RORA: variants seen among roughly 807,000 people sequenced by gnomAD.
The protein encoded by RORA is RAR related orphan receptor A.
Under a neutral mutation model 69.5 loss-of-function variants are expected in RORA, and 7 were observed. The observed-to-expected ratio is 0.10, with a 90% confidence interval of 0.06 to 0.19. The LOEUF (loss-of-function observed/expected upper bound fraction) is 0.19. Among genes scored for constraint, RORA ranks in the 10% least tolerant of loss-of-function variants. RORA has a pLI of 1.00. For missense variants in RORA, 457 were observed against 663.0 expected (o/e 0.69, Z 3.41); for synonymous variants, 261 against 240.8 (o/e 1.08, Z -0.78).
At chr15:61,029,523 G>A (rs575425222) in intron 1 of RORA, among the ~76,000 whole-genome samples, 62 of 152,272 alleles carry the variant, frequency 4.1e-4, no homozygotes, top group African/African-American at 1.5e-3. Flanking sequence ...AAAGTAAGGA[G>A]TACAGACGGG....
intron 1 of RORA, among the ~76,000 whole-genome samples, chr15:60,796,799 G>C (rs1276649266): frequency 1.3e-5 from 2 of 151,842 alleles, no homozygotes; most frequent in African/African-American, 4.8e-5. Context: ...CTCATCAACT[G>C]ATGAGTCGAT....
intron 1 of RORA, among the ~76,000 whole-genome samples, chr15:60,878,299 G>A (rs1250017247): frequency 7.1e-6 from 1 of 140,622 alleles, no homozygotes; most frequent in South Asian, 2.3e-4. Context: ...GGCCGAGATC[G>A]CGGCATTGCA....
intron 1 of RORA, among the ~76,000 whole-genome samples, chr15:60,846,398 C>G (rs557155055): frequency 2.6e-5 from 4 of 152,184 alleles, no homozygotes; most frequent in African/African-American, 4.8e-5. Context: ...TCTATCGTAA[C>G]TGCTTCTCCT....
At chr15:60,980,995 CAT>C (rs1894028404) in intron 1 of RORA, among the ~76,000 whole-genome samples, 1 of 151,784 alleles carries the variant, frequency 6.6e-6, no homozygotes, top group East Asian at 1.9e-4. Context: ...GGTCAGGTGT[CAT>C]AGTGACAAAC....
chr15:60,504,622 AT>A (rs1225983423), intron 6 of RORA, among the ~76,000 whole-genome samples: 1 of 152,098 alleles, frequency 6.6e-6, no homozygotes, highest in Non-Finnish European at 1.5e-5. Context: ...CTAAAATCCT[AT>A]TTCATATACT....
At chr15:60,985,582 C>CTTTTTTTTTTTT (rs11451387) in intron 1 of RORA, among the ~76,000 whole-genome samples, 19 of 100,848 alleles carry the variant, frequency 1.9e-4, no homozygotes, top group Non-Finnish European at 2.2e-4. Flanking sequence ...AACTCATCCT[C>CTTTTTTTTTTTT]TTTTTTTTTT....
At chr15:61,119,473 C>T (rs575919385) in intron 1 of RORA, among the ~76,000 whole-genome samples, 3 of 149,512 alleles carry the variant, frequency 2.0e-5, no homozygotes, top group Non-Finnish European at 4.4e-5. Context: ...TATATATATA[C>T]ATTTTATTTT....
intron 1 of RORA, among the ~76,000 whole-genome samples, chr15:60,785,978 T>G (rs199740052): frequency 0.017 from 1 of 60 alleles, no homozygotes. Flanking sequence ...GTACTCAGTA[T>G]AACTATTTGT....
At chr15:61,026,439 T>C (rs1204795135) in intron 1 of RORA, among the ~76,000 whole-genome samples, 1 of 152,344 alleles carries the variant, frequency 6.6e-6, no homozygotes, top group South Asian at 2.1e-4. Flanking sequence ...AAAGGAATCA[T>C]GAAAATGTGT....
chr15:60,964,443 G>T lies in RORA; in HGVS notation c.166+264610C>A, dbSNP rs554496157. Among the ~76,000 whole-genome samples, 11 of 152,276 alleles carry T rather than the reference G, an allele frequency of 7.2e-5. 1 individual carries two copies. The South Asian group carries it at 8.3e-4, about 11-fold the overall frequency. Reference sequence around the variant, plus strand: ...GGGAAAGCCCTCCTCTGAAAAGAATGAGTCTTGAGAGGAATAGTGTGAGGG... The same window carrying T: ...GGGAAAGCCCTCCTCTGAAAAGAATTAGTCTTGAGAGGAATAGTGTGAGGG... On this transcript the variant is annotated intron_variant, in intron 1 of 10. Transcript: ENST00000335670.
chr15:61,087,753 C>A (rs1053670809), intron 1 of RORA, among the ~76,000 whole-genome samples: 2 of 152,200 alleles, frequency 1.3e-5, no homozygotes, highest in Non-Finnish European at 2.9e-5. Flanking sequence ...CTTTACTGCC[C>A]ATGTGCAGAT....
intron 1 of RORA, among the ~76,000 whole-genome samples, chr15:61,099,702 G>C (rs1285292492): frequency 6.6e-6 from 1 of 152,188 alleles, no homozygotes; most frequent in Non-Finnish European, 1.5e-5. Flanking sequence ...CAGCAAGTTG[G>C]ATTCATTCCA....
chr15:60,695,059 G>C (rs1171476051), intron 1 of RORA, among the ~76,000 whole-genome samples: 1 of 152,108 alleles, frequency 6.6e-6, no homozygotes, highest in African/African-American at 2.4e-5. Context: ...TTAGGTGACA[G>C]GGAAACAACG....
intron 1 of RORA, among the ~76,000 whole-genome samples, chr15:60,975,632 A>G (rs1356613237): frequency 6.6e-6 from 1 of 152,180 alleles, no homozygotes; most frequent in Non-Finnish European, 1.5e-5. Context: ...CTCGGAGGCT[A>G]AGCTGGATTT....
intron 1 of RORA, among the ~76,000 whole-genome samples, chr15:60,963,831 C>T (rs2140345388): frequency 6.6e-6 from 1 of 152,316 alleles, no homozygotes; most frequent in East Asian, 1.9e-4. Context: ...AGTATCCTAG[C>T]CACAGTAGGA....
intron 2 of RORA, among the ~76,000 whole-genome samples, chr15:60,652,677 T>G (rs1175800403): frequency 6.6e-6 from 1 of 152,188 alleles, no homozygotes; most frequent in Non-Finnish European, 1.5e-5. Context: ...AACTAATCCC[T>G]TCCATGTTTT....
intron 1 of RORA, among the ~76,000 whole-genome samples, chr15:61,161,499 G>C (rs1435230558): frequency 6.6e-6 from 1 of 152,178 alleles, no homozygotes; most frequent in South Asian, 2.1e-4. Context: ...AGACTGGCTG[G>C]GAGAACGTAA....
At chr15:60,790,124 T>C (rs1251430852) in intron 1 of RORA, among the ~76,000 whole-genome samples, 1 of 152,230 alleles carries the variant, frequency 6.6e-6, no homozygotes, top group Non-Finnish European at 1.5e-5. Flanking sequence ...CTTTAGACTT[T>C]AGAGGTCTTA....
chr15:60,932,457 G>C (rs12442938), intron 1 of RORA, among the ~76,000 whole-genome samples: 39,956 of 152,118 alleles, frequency 0.26, 5,922 homozygotes, highest in East Asian at 0.55. Flanking sequence ...GATCAAATAA[G>C]TAACAGGTAT....
Sources: allele counts gnomAD v4.1 joint callset (sites outside exome capture counted in the v4.1 genomes callset), GRCh38; gene constraint gnomAD v4.1.1; transcripts MANE v1.5; gene names NCBI Gene and HGNC (gene_info 2026-07-23, HGNC 2026-07-21).